Variants in GPA33 observed in about 807,000 individuals in gnomAD.
GPA33 encodes glycoprotein A33, also known as cell surface A33 antigen.
A neutral mutation model predicts 35.6 loss-of-function variants in GPA33; 27 were observed. The ratio of observed to expected loss-of-function variants is 0.76; its 90% CI spans 0.56 to 1.04. The LOEUF is 1.04. Ranked by LOEUF, GPA33 falls within the 50% of genes least tolerant of loss-of-function variation. The pLI is 0.00. For missense variants in GPA33, 428 were observed against 411.9 expected (o/e 1.04, Z -0.34); for synonymous variants, 176 against 164.0 (o/e 1.07, Z -0.56).
Position 167,063,616 on chromosome 1 carries a change from G to C in GPA33, c.537C>G (p.Asn179Lys). ...CCAGGGGCTGCTCCTGATTCAGGATGTTGTACCTCTTCCAGCTGTACTGAG... is the reference window on the plus strand; with the variant it reads ...CCAGGGGCTGCTCCTGATTCAGGATCTTGTACCTCTTCCAGCTGTACTGAG... The part of the protein sequence containing the change: ...PTPQYSWKRY[N>K]ILNQEQPLAQ... The change falls in exon 4 of 7, where the codon AAC becomes AAG. Residue 179 changes from asparagine (N) to lysine (K), a missense_variant. Physicochemically the swap from Asn to Lys is moderately conservative, Grantham distance 94 (BLOSUM62 0). Coordinates refer to ENST00000367868, the MANE Select transcript of GPA33 (RefSeq NM_005814.3). 6.2e-7 allele frequency: 1 copy of C among 1,612,814 alleles called. No individual in the cohort carries two copies. Among genetic ancestry groups the C allele is most frequent in the East Asian group, 2.2e-5 (1 of 44,868 alleles).
At chr1:167,056,083 AT>A (rs1184294079) in intron 4 of GPA33, among the ~76,000 whole-genome samples, 6 of 152,232 alleles carry the variant, frequency 3.9e-5, no homozygotes, top group Non-Finnish European at 7.3e-5. Context: ...TCTGCCACTT[AT>A]TAATTTGTCT....
At chr1:167,062,211 C>CTTTAT (rs1179953849) in intron 4 of GPA33, among the ~76,000 whole-genome samples, 7 of 150,004 alleles carry the variant, frequency 4.7e-5, no homozygotes, top group South Asian at 2.1e-4. Flanking sequence ...TTTTATTTTA[C>CTTTAT]TTTATTTTAT....
chr1:167,083,556 G>A (rs894413220), intron 1 of GPA33, among the ~76,000 whole-genome samples: 3 of 152,290 alleles, frequency 2.0e-5, no homozygotes, highest in South Asian at 4.1e-4. Flanking sequence ...CTCTCACGGC[G>A]TTCACTGTTC....
chr1:167,067,908 T>C (rs534273925), intron 3 of GPA33, among the ~76,000 whole-genome samples: 1 of 152,256 alleles, frequency 6.6e-6, no homozygotes, highest in South Asian at 2.1e-4. Context: ...GAGGAAAATA[T>C]GGAATACCTA....
intron 2 of GPA33, among the ~76,000 whole-genome samples, chr1:167,069,686 A>G (rs1347391579): frequency 6.6e-6 from 1 of 152,248 alleles, no homozygotes; most frequent in Non-Finnish European, 1.5e-5. Flanking sequence ...GCTTCAATTC[A>G]AATCCCCATT....
intron 1 of GPA33, among the ~76,000 whole-genome samples, chr1:167,083,651 A>C (rs745785196): frequency 2.0e-5 from 3 of 152,208 alleles, no homozygotes; most frequent in Non-Finnish European, 4.4e-5. Flanking sequence ...ATATGATGGG[A>C]GGATATAACA....
At chr1:167,055,638 A>G (rs1158423363) in intron 5 of GPA33, 92 bp downstream of exon 5, 3 of 1,419,412 alleles carry the variant, frequency 2.1e-6, no homozygotes, top group Admixed American at 3.4e-5. Context: ...AGGTTCCCCT[A>G]TTCCTCCTCA....
chr1:167,084,511 C>G (rs1387498911), intron 1 of GPA33, among the ~76,000 whole-genome samples: 1 of 152,220 alleles, frequency 6.6e-6, no homozygotes, highest in Non-Finnish European at 1.5e-5. Flanking sequence ...GTGACTGCTT[C>G]TCAATAGACT....
intron 2 of GPA33, among the ~76,000 whole-genome samples, chr1:167,069,542 G>A (rs1571312326): frequency 6.6e-6 from 1 of 152,138 alleles, no homozygotes. Flanking sequence ...ATGATGCTGG[G>A]CAGCCAGCCT....
At chr1:167,055,205 A>T in intron 5 of GPA33, 94 bp from the exon 6 acceptor site, 3 of 1,252,524 alleles carry the variant, frequency 2.4e-6, no homozygotes, top group Non-Finnish European at 3.4e-6. Context: ...AGCTTCTGGT[A>T]ACACTCCATG....
intron 4 of GPA33, among the ~76,000 whole-genome samples, chr1:167,059,949 G>A (rs1288962797): frequency 6.6e-6 from 1 of 152,210 alleles, no homozygotes; most frequent in African/African-American, 2.4e-5. Flanking sequence ...GTCTTCAGAT[G>A]TAGGAGAGCA....
intron 1 of GPA33, among the ~76,000 whole-genome samples, chr1:167,087,932 A>ACACACACACACACACACACACACAC (rs374217623): frequency 1.3e-5 from 2 of 151,788 alleles, no homozygotes; most frequent in East Asian, 1.9e-4. Flanking sequence ...ACACACACAC[A>ACACACACACACACACACACACACAC]AAGCAGACCA....
intron 4 of GPA33, among the ~76,000 whole-genome samples, chr1:167,062,646 C>CTTTTTTTTTTTTTTTTTT (rs768326263): frequency 5.0e-5 from 4 of 79,988 alleles, no homozygotes; most frequent in South Asian, 6.8e-4. Flanking sequence ...ATAGCTCTTT[C>CTTTTTTTTTTTTTTTTTT]TTTTTTTTTT....
chr1:167,068,962 C>T lies in GPA33; in HGVS notation c.375G>A (p.Leu125=). 1 of 1,613,658 alleles carries T rather than the reference C, an allele frequency of 6.2e-7. No individual in the cohort carries two copies. Among genetic ancestry groups the T allele is most frequent in the Non-Finnish European group, 8.5e-7 (1 of 1,180,014 alleles). The part of the protein sequence containing the change: ...YECSVSLMSD[L]EGNTKSRVRL... ...GGACACGTGACTTGGTGTTGCCCTC[C>T]AGGTCTGACATCAGCGAGACAGAAC... The change falls in exon 3 of 7, where the codon CTG becomes CTA. Residue 125 remains leucine (L), a synonymous_variant. Coordinates refer to ENST00000367868, the MANE Select transcript of GPA33 (RefSeq NM_005814.3).
chr1:167,056,860 TGTGTGTG>T (rs1287924627), intron 4 of GPA33, among the ~76,000 whole-genome samples: 21 of 51,006 alleles, frequency 4.1e-4, no homozygotes, highest in African/African-American at 4.4e-4. Flanking sequence ...GTGTGTGGTG[TGTGTGTG>T]GTGTGTGGTG....
intron 4 of GPA33, among the ~76,000 whole-genome samples, chr1:167,060,065 A>T (rs1241509637): frequency 6.6e-6 from 1 of 152,066 alleles, no homozygotes; most frequent in African/African-American, 2.4e-5. Flanking sequence ...GATTCTCTCT[A>T]TTTATTTTTT....
intron 1 of GPA33, among the ~76,000 whole-genome samples, chr1:167,074,006 G>A (rs1380934297): frequency 6.6e-6 from 1 of 151,628 alleles, no homozygotes; most frequent in Non-Finnish European, 1.5e-5. Context: ...CATTTAACAA[G>A]TATTTATGGA....
chr1:167,072,725 T>C (rs1438906163), intron 2 of GPA33, among the ~76,000 whole-genome samples: 2 of 152,210 alleles, frequency 1.3e-5, no homozygotes, highest in African/African-American at 2.4e-5. Flanking sequence ...TATACTCATA[T>C]ACACAAAGAG....
intron 4 of GPA33, 88 bp downstream of exon 4, chr1:167,063,494 C>T (rs1218568498): frequency 2.5e-5 from 30 of 1,212,292 alleles, no homozygotes; most frequent in Non-Finnish European, 3.0e-5. Flanking sequence ...GGGATCTGAT[C>T]GGTCAACCCA....
Sources: allele counts gnomAD v4.1 joint callset (sites outside exome capture counted in the v4.1 genomes callset), GRCh38; gene constraint gnomAD v4.1.1; transcripts MANE v1.5; gene names NCBI Gene and HGNC (gene_info 2026-07-23, HGNC 2026-07-21).